THOC2: variants seen among roughly 807,000 people sequenced by gnomAD.
THOC2 encodes the protein THO complex subunit 2.
Under a neutral mutation model 128.4 loss-of-function variants are expected in THOC2, and 10 were observed. The ratio of observed to expected loss-of-function variants is 0.08; its 90% confidence interval spans 0.05 to 0.13. THOC2 has a LOEUF of 0.13. Ranked by LOEUF, THOC2 falls within the 10% of genes least tolerant of loss-of-function variation. THOC2 has a pLI of 1.00. For synonymous variants in THOC2, 393 were observed against 396.9 expected, an observed-to-expected ratio of 0.99 and a Z score of 0.12; for missense variants, 535 against 1,155.7, an observed-to-expected ratio of 0.46 and a Z score of 7.79.
In THOC2 at chrX:123,706,818, T is replaced by C. The variant is rs188641801; in HGVS notation, c.222+40A>G. On this transcript the variant is annotated intron_variant, in intron 3 of 38. Coordinates refer to ENST00000245838, the MANE Select transcript of THOC2 (RefSeq NM_001081550.2). ...ATCTTTGTGTCAAAGCAAAAAGATA[T>C]ATAACAACTATTAACTTAAAAAAAT... is the stretch of plus-strand genomic sequence containing the variant. 10 of 637,120 alleles carry C rather than the reference T, an allele frequency of 1.6e-5. No individual in the cohort carries two copies. In the South Asian group the frequency reaches 2.4e-4, roughly 15 times the overall value. The allele number at this position is 637,120 out of a possible 1,213,427, so 52.5% of individuals were successfully genotyped here.
At chrX:123,691,024 C>A (rs1006374036) in intron 7 of THOC2, among the ~76,000 whole-genome samples, 3 of 111,388 alleles carry the variant, frequency 2.7e-5, no homozygotes, top group African/African-American at 9.8e-5. Flanking sequence ...CCTGCCAGGG[C>A]AACATGGCAA....
At chrX:123,705,423 G>A (rs1485864179) in intron 3 of THOC2, among the ~76,000 whole-genome samples, 1 of 111,545 alleles carries the variant, frequency 9.0e-6, no homozygotes, top group Admixed American at 9.6e-5. Context: ...CTCTGGTTAT[G>A]TCTATTTAAA....
At chrX:123,640,696 C>T in intron 15 of THOC2, 74 bp from the exon 16 acceptor site, 1 of 570,711 alleles carries the variant, frequency 1.8e-6, no homozygotes, top group South Asian at 4.3e-5. Flanking sequence ...TTTGTTACAT[C>T]ATCGTGGGGG....
chrX:123,711,010 C>A (rs1406486789), intron 2 of THOC2, among the ~76,000 whole-genome samples: 3 of 100,662 alleles, frequency 3.0e-5, no homozygotes, highest in African/African-American at 1.1e-4. Flanking sequence ...AACCATCTTC[C>A]ACTCACACAC....
chrX:123,728,555 T>C (rs1391761007), intron 1 of THOC2, among the ~76,000 whole-genome samples: 1 of 111,101 alleles, frequency 9.0e-6, no homozygotes, highest in Non-Finnish European at 1.9e-5. Context: ...GGAGCAACTT[T>C]GCGAGGAAAA....
chrX:123,622,699 A>G (rs1219186648), intron 30 of THOC2, 59 bp downstream of exon 30: 4 of 896,375 alleles, frequency 4.5e-6, no homozygotes, highest in Admixed American at 2.9e-5. Context: ...TCAAAAAAAT[A>G]CATAAAAATC....
intron 1 of THOC2, among the ~76,000 whole-genome samples, chrX:123,731,763 A>T (rs992877902): frequency 9.0e-6 from 1 of 111,044 alleles, no homozygotes; most frequent in Non-Finnish European, 1.9e-5. Flanking sequence ...GCGGGGGAGG[A>T]AGCCACATAG....
chrX:123,642,708 T>C (rs1162316157), intron 15 of THOC2, among the ~76,000 whole-genome samples: 1 of 108,990 alleles, frequency 9.2e-6, no homozygotes, highest in Non-Finnish European at 1.9e-5. Context: ...CATAGTGAGG[T>C]CCCATTTTTA....
At chrX:123,677,812 G>C (rs1194623773) in intron 8 of THOC2, among the ~76,000 whole-genome samples, 1 of 107,091 alleles carries the variant, frequency 9.3e-6, no homozygotes, top group East Asian at 2.9e-4. Context: ...AGAGGCTGCA[G>C]TGAGGCCAAG....
chrX:123,727,674 G>C (rs1269206572), intron 1 of THOC2, among the ~76,000 whole-genome samples: 1 of 112,077 alleles, frequency 8.9e-6, no homozygotes, highest in South Asian at 3.7e-4. Flanking sequence ...CTGGGCTCAG[G>C]CAATCCTTCC....
chrX:123,634,130 T>G, intron 19 of THOC2, 60 bp from the exon 20 acceptor site: 1 of 646,056 alleles, frequency 1.5e-6, no homozygotes, highest in Non-Finnish European at 2.4e-6. Flanking sequence ...AAAGTAACAA[T>G]GTATTGTAAT....
At chrX:123,729,529 T>A (rs979247982) in intron 1 of THOC2, among the ~76,000 whole-genome samples, 2 of 112,049 alleles carry the variant, frequency 1.8e-5, no homozygotes, top group African/African-American at 6.5e-5. Context: ...CAGAAAAGAT[T>A]TATGCTGGTA....
At position 123,636,095 on chromosome X, in the gene THOC2, G is replaced by A. The variant is rs2047663864; in HGVS notation, c.2002C>T (p.Leu668=). ...AGLLQYVANQ[L]KAGKSFDLLI... ...TATGAATACCTTTTGCCCGCCTTTA[G>A]CTGATTGGCAACATACTGAAGAAGA... The change falls in exon 19 of 39, where the codon CTA becomes TTA. Residue 668 remains leucine (L), a synonymous_variant. Transcript: ENST00000245838. 1 of 1,207,612 alleles carries A rather than the reference G, an allele frequency of 8.3e-7. No individual in the cohort carries two copies. Among genetic ancestry groups the A allele is most frequent in the African/African-American group, 1.7e-5 (1 of 57,611 alleles).
intron 1 of THOC2, among the ~76,000 whole-genome samples, chrX:123,730,371 T>C (rs2052186220): frequency 9.2e-6 from 1 of 108,812 alleles, no homozygotes; most frequent in Admixed American, 9.8e-5. Flanking sequence ...AGAGATGGGG[T>C]TTCTCCATGT....
intron 7 of THOC2, 30 bp downstream of exon 7, chrX:123,695,991 C>A: frequency 1.0e-6 from 1 of 971,820 alleles, no homozygotes. Flanking sequence ...GTTATCTTAA[C>A]AACACATACT....
chrX:123,732,942 G>C lies in THOC2; in HGVS notation c.71+10C>G, dbSNP rs1349287032. The C allele has an allele frequency of 3.3e-6, 4 of 1,208,252 alleles. No individual in the cohort carries two copies. Among genetic ancestry groups the C allele is most frequent in the Non-Finnish European group, 4.5e-6 (4 of 893,635 alleles). ...CCGGCAGTGCGCCTGCCTCCGGCCC[G>C]AACACTCACAATTCGCCTCTCCCTG... On this transcript the variant is annotated intron_variant, in intron 1 of 38. Transcript: ENST00000245838.
chrX:123,681,615 A>G (rs898567138), intron 8 of THOC2, among the ~76,000 whole-genome samples: 1 of 112,145 alleles, frequency 8.9e-6, no homozygotes, highest in Non-Finnish European at 1.9e-5. Flanking sequence ...GGTCTCATCA[A>G]TAAGTCAACG....
rs1247475899 is a variant in THOC2 at position 123,645,390 on chromosome X, AAG to A, written c.1387-17_1387-16del. 2.9e-6 allele frequency: 3 copies of A among 1,018,365 alleles called. No individual in the cohort carries two copies. The highest frequency in any genetic ancestry group is 3.8e-5 in the African/African-American group (2 of 52,435). The allele number at this position is 1,018,365 out of a possible 1,213,427, so 83.9% of individuals were successfully genotyped here. The stretch of plus-strand genomic sequence containing the variant: ...TCAGACTGAAACTACAATTTAAAAA[AAG>A]AAATTAATAAAATACAAAAAGGTTA... On this transcript the variant is annotated splice_polypyrimidine_tract_variant and intron_variant, in intron 12 of 38. Transcript: ENST00000245838.
intron 15 of THOC2, among the ~76,000 whole-genome samples, chrX:123,641,415 C>T (rs1342319759): frequency 8.9e-6 from 1 of 112,108 alleles, no homozygotes; most frequent in Non-Finnish European, 1.9e-5. Context: ...CTCCAAGTGA[C>T]GAACTTGCTT....
Sources: gnomAD v4.1 joint callset for allele counts (sites outside exome capture counted in the v4.1 genomes callset) on GRCh38, gnomAD v4.1.1 for gene constraint, MANE v1.5 for transcripts, NCBI Gene and HGNC (gene_info 2026-07-23, HGNC 2026-07-21) for gene names.